The following TRAPPC10 variants were observed in gnomAD, a reference collection of about 807,000 sequenced individuals.
The protein encoded by TRAPPC10 is trafficking protein particle complex subunit 10, also known as TRAPP 130 kDa subunit.
A neutral mutation model predicts 125.5 loss-of-function variants in TRAPPC10; 23 were observed. That is an observed-to-expected ratio of 0.18 (90% confidence interval 0.13 to 0.26). The LOEUF is 0.26. Among genes scored for constraint, TRAPPC10 ranks in the 10% least tolerant of loss-of-function variants. TRAPPC10 has a pLI of 1.00. For missense variants in TRAPPC10, 1,123 were observed against 1,308.4 expected, an observed-to-expected ratio of 0.86 and a Z score of 2.19; for synonymous variants, 509 against 518.0, an observed-to-expected ratio of 0.98 and a Z score of 0.24.
intron 2 of TRAPPC10, among the ~76,000 whole-genome samples, chr21:44,035,924 G>A (rs2033950273): frequency 6.6e-6 from 1 of 152,210 alleles, no homozygotes; most frequent in South Asian, 2.1e-4. Flanking sequence ...AAGCAAATTA[G>A]TGAGCTGGAA....
In TRAPPC10 at chr21:44,087,915, C is replaced by A. The variant is rs146405148; in HGVS notation, c.2756C>A (p.Thr919Asn). 6 of 1,613,384 alleles carry A rather than the reference C, an allele frequency of 3.7e-6. No homozygotes were observed. Among genetic ancestry groups the A allele is most frequent in the Non-Finnish European group, 5.1e-6 (6 of 1,179,742 alleles). The change falls in exon 17 of 23, where the codon ACC becomes AAC. Residue 919 changes from threonine to asparagine, a missense_variant. Transcript: ENST00000291574. The surrounding 1 kb of genome is among the most constrained non-coding windows in gnomAD (Gnocchi z 4.6). The stretch of plus-strand genomic sequence containing the variant: ...CAGAGAACTGGCCGCTGCATGGTTA[C>A]CACAGACCACAAAGTGAGTAGGGAC... ...DKQRTGRCMV[T>N]TDHKVSIDCP...
At chr21:44,079,826 T>G (rs1477791121) in intron 12 of TRAPPC10, 122 bp downstream of exon 12, 3 of 1,138,000 alleles carry the variant, frequency 2.6e-6, no homozygotes, top group Non-Finnish European at 3.7e-6. Context: ...CTTATACATA[T>G]GTATTGTATA....
At chr21:44,077,546 C>A (rs1469056073) in intron 10 of TRAPPC10, 147 bp from the exon 11 acceptor site, 1 of 496,090 alleles carries the variant, frequency 2.0e-6, no homozygotes, top group Non-Finnish European at 3.5e-6. Flanking sequence ...GATCTCACCG[C>A]TGTGCTCCAG....
chr21:44,066,644 G>A (rs2036474153), intron 7 of TRAPPC10, among the ~76,000 whole-genome samples: 1 of 152,172 alleles, frequency 6.6e-6, no homozygotes. Context: ...GCAGGAAGAG[G>A]TTCCCTTTTT....
rs887657059 is a variant in TRAPPC10, at chr21:44,063,653, C to T, written c.906C>T (p.Thr302=). 2.5e-6 allele frequency: 4 copies of T among 1,614,088 alleles called. No homozygotes were observed. Among genetic ancestry groups the T allele is most frequent in the Non-Finnish European group, 3.4e-6 (4 of 1,180,052 alleles). ...KRESIQRREA[T]LLDLRSYLFS... is the part of the protein sequence containing the mutation. ...AATCGATCCAGAGGCGAGAAGCCAC[C>T]CTGTTAGATCTGCGCAGTTACCTGT... Residue 302 remains threonine, a synonymous_variant, in exon 7 of 23, where the codon ACC becomes ACT. Transcript: ENST00000291574. This position sits in a 1 kb window ranked among gnomAD's most constrained non-coding sequence, Gnocchi z 4.4.
chr21:44,021,538 T>G (rs190079266), intron 1 of TRAPPC10, among the ~76,000 whole-genome samples: 3 of 152,320 alleles, frequency 2.0e-5, no homozygotes, highest in African/African-American at 7.2e-5. Flanking sequence ...AGCAATTAGG[T>G]GAACTGCCCA....
intron 2 of TRAPPC10, among the ~76,000 whole-genome samples, chr21:44,036,403 G>C (rs543765775): frequency 1.3e-5 from 2 of 152,340 alleles, no homozygotes; most frequent in African/African-American, 4.8e-5. Flanking sequence ...GTGAGCCACA[G>C]GTGCTGAGAG....
intron 1 of TRAPPC10, among the ~76,000 whole-genome samples, chr21:44,017,413 T>C (rs996635586): frequency 6.6e-6 from 1 of 151,964 alleles, no homozygotes; most frequent in Non-Finnish European, 1.5e-5. Context: ...TTATAGTCAG[T>C]GTGCAAAAAA....
chr21:44,061,230 G>A (rs761485951), intron 6 of TRAPPC10, among the ~76,000 whole-genome samples: 11 of 152,132 alleles, frequency 7.2e-5, no homozygotes, highest in Non-Finnish European at 1.2e-4. Context: ...TCCGCCTCCC[G>A]GGTTCACGCC....
rs77682921 is a variant in TRAPPC10 at position 44,040,339 on chromosome 21, T to A, written c.285+2412T>A. On this transcript the variant is annotated intron_variant, in intron 3 of 22. Coordinates refer to ENST00000291574, the MANE Select transcript of TRAPPC10 (RefSeq NM_003274.5). ...TATTTTATTAGAGATTTTTAAAAAT[T>A]CTCTCTCTCTTTTTTTTTTTAAAGA... Among the ~76,000 whole-genome samples the A allele has an allele frequency of 1.2e-3, 184 of 150,896 alleles. 4 individuals are homozygous for A. The East Asian group carries it at 0.033, about 27-fold the overall frequency.
chr21:44,037,468 A>G (rs1315297665), intron 2 of TRAPPC10, among the ~76,000 whole-genome samples: 1 of 152,206 alleles, frequency 6.6e-6, no homozygotes, highest in Non-Finnish European at 1.5e-5. Context: ...TGGTGACATA[A>G]TTATAGATTC....
intron 4 of TRAPPC10, among the ~76,000 whole-genome samples, chr21:44,054,908 G>A (rs1156693553): frequency 1.3e-5 from 2 of 152,172 alleles, no homozygotes; most frequent in African/African-American, 2.4e-5. Flanking sequence ...GCCACGCCTG[G>A]GTGGAAGGAA....
rs151295313 is a variant in TRAPPC10 at position 44,037,727 on chromosome 21, A to T, written c.150-65A>T. 2.5e-5 allele frequency: 39 copies of T among 1,554,872 alleles called. No homozygotes were observed. In the African/African-American group the frequency reaches 4.1e-4, roughly 16 times the overall value. ...ATACCATTACATTATTTGTTGTTCT[A>T]TTTCCCCTCTTCTGATGAATGCTGT... is the stretch of plus-strand genomic sequence containing the variant. On this transcript the variant is annotated intron_variant, in intron 2 of 22. Transcript: ENST00000291574.
chr21:44,032,703 G>C (rs1260207502), intron 2 of TRAPPC10, among the ~76,000 whole-genome samples: 1 of 152,124 alleles, frequency 6.6e-6, no homozygotes, highest in Non-Finnish European at 1.5e-5. Flanking sequence ...TTCTTAACGA[G>C]ACATTGGAAA....
intron 1 of TRAPPC10, among the ~76,000 whole-genome samples, chr21:44,029,792 C>T (rs2033413999): frequency 6.6e-6 from 1 of 152,126 alleles, no homozygotes; most frequent in Admixed American, 6.6e-5. Context: ...GGATTAGGGC[C>T]CATCCTGAAG....
chr21:44,037,833 A>G lies in TRAPPC10; in HGVS notation c.191A>G (p.Asn64Ser). ...RAPKMIHLES[N>S]FVQFKEELLP... ...CCGAAGATGATTCACCTAGAGTCTA[A>G]CTTTGTTCAATTCAAAGAGGAGCTG... is the stretch of plus-strand genomic sequence containing the variant. The change falls in exon 3 of 23, where the codon AAC becomes AGC. Residue 64 changes from asparagine (N) to serine (S), a missense_variant. This residue lies in a region of TRAPPC10 where 177 missense variants were observed against 228.9 expected (regional missense o/e 0.77). Transcript: ENST00000291574. 6.2e-7 allele frequency: 1 copy of G among 1,614,192 alleles called. No homozygotes were observed. The highest frequency in any genetic ancestry group is 8.5e-7 in the Non-Finnish European group (1 of 1,180,044).
At chr21:44,020,813 C>A (rs1474982390) in intron 1 of TRAPPC10, among the ~76,000 whole-genome samples, 1 of 152,062 alleles carries the variant, frequency 6.6e-6, no homozygotes, top group African/African-American at 2.4e-5. Flanking sequence ...TGAGAAGGGC[C>A]GTCAGAAGTC....
At chr21:44,080,201 C>A in intron 13 of TRAPPC10, 74 bp downstream of exon 13, 3 of 1,271,128 alleles carry the variant, frequency 2.4e-6, no homozygotes, top group South Asian at 2.5e-5. Context: ...ACAAGATATA[C>A]CAACCACTTA....
At chr21:44,092,330 C>T (rs192136257) in intron 19 of TRAPPC10, among the ~76,000 whole-genome samples, 10 of 152,330 alleles carry the variant, frequency 6.6e-5, no homozygotes, top group African/African-American at 1.9e-4. Context: ...TCTGTTTGAA[C>T]GCACTGTTGA....
Sources: allele counts gnomAD v4.1 joint callset (sites outside exome capture counted in the v4.1 genomes callset), GRCh38; gene constraint gnomAD v4.1.1; regional missense constraint gnomAD v4.1.1; non-coding constraint Gnocchi (gnomAD v3.1); transcripts MANE v1.5; gene names NCBI Gene and HGNC (gene_info 2026-07-23, HGNC 2026-07-21).